Variants in PGBD1 observed in about 807,000 individuals in gnomAD.
PGBD1 encodes the protein piggyBac transposable element-derived protein 1.
In PGBD1, 25 loss-of-function variants were observed where a neutral mutation model predicts 34.7. The ratio of observed to expected loss-of-function variants is 0.72; its 90% confidence interval spans 0.52 to 1.00. The LOEUF is 1.00. PGBD1 is among the 50% of genes least tolerant of loss of function. PGBD1 has a pLI of 0.00. For missense variants in PGBD1, 830 were observed against 959.4 expected, an observed-to-expected ratio of 0.87 and a Z score of 1.78; for synonymous variants, 292 against 335.7, an observed-to-expected ratio of 0.87 and a Z score of 1.42.
At chr6:28,297,839 T>C (rs1762701761) in intron 5 of PGBD1, 56 bp from the exon 6 acceptor site, 1 of 286,192 alleles carries the variant, frequency 3.5e-6, no homozygotes, top group Admixed American at 5.1e-5. Context: ...TTTTTTTTTT[T>C]TTTTTTCAAA....
Position 28,285,564 on chromosome 6 carries a change from T to G in PGBD1, c.410T>G (p.Ile137Ser), listed in dbSNP as rs1762260463. The change falls in exon 3 of 7, where the codon ATT becomes AGT. Residue 137 changes from isoleucine to serine, a missense_variant. Coordinates refer to ENST00000682144, the MANE Select transcript of PGBD1 (RefSeq NM_032507.4). Reference sequence around the variant, plus strand: ...TTTTGTTTCCAGGCCTCTGTCTATATTCAGGGACAGGACATGCACCCAATG... The same window carrying G: ...TTTTGTTTCCAGGCCTCTGTCTATAGTCAGGGACAGGACATGCACCCAATG... ...GDTGQQASVY[I>S]QGQDMHPMVA... 6.2e-7 allele frequency: 1 copy of G among 1,614,090 alleles called. No individual in the cohort carries two copies.
intron 4 of PGBD1, among the ~76,000 whole-genome samples, chr6:28,290,122 G>A (rs1762401163): frequency 6.6e-6 from 1 of 152,098 alleles, no homozygotes; most frequent in Non-Finnish European, 1.5e-5. Context: ...TTGAGATAGG[G>A]TCTCACTCTT....
At position 28,301,082 on chromosome 6, in the gene PGBD1, T is replaced by C. The variant is rs755825301; in HGVS notation, c.1228T>C (p.Leu410=). The change falls in exon 7 of 7, where the codon TTG becomes CTG. Residue 410 remains leucine, a synonymous_variant. Transcript: ENST00000682144. ...PSWSALDSGL[L]NLKSEKLNPV... ...CTGGTCAGCACTGGATTCTGGACTTTTGAATCTCAAGAGCGAAAAGTTGAA... is the reference window on the plus strand; with the variant it reads ...CTGGTCAGCACTGGATTCTGGACTTCTGAATCTCAAGAGCGAAAAGTTGAA... The C allele has an allele frequency of 2.9e-5, 47 of 1,614,074 alleles. No individual in the cohort carries two copies. The South Asian group carries it at 4.8e-4, about 17-fold the overall frequency.
intron 1 of PGBD1, among the ~76,000 whole-genome samples, chr6:28,283,392 A>C (rs898052504): frequency 3.3e-5 from 5 of 152,222 alleles, no homozygotes; most frequent in African/African-American, 1.2e-4. Context: ...ACCTACATTT[A>C]AAGTGGAATA....
At chr6:28,284,810 T>A (rs546404596) in intron 2 of PGBD1, among the ~76,000 whole-genome samples, 6 of 152,236 alleles carry the variant, frequency 3.9e-5, no homozygotes, top group Non-Finnish European at 7.3e-5. Flanking sequence ...CATGAGCCAC[T>A]GCACCTGGCT....
chr6:28,298,644 A>G (rs1462635014), intron 6 of PGBD1, among the ~76,000 whole-genome samples: 1 of 152,158 alleles, frequency 6.6e-6, no homozygotes, highest in Admixed American at 6.5e-5. Context: ...TGAACAAGGT[A>G]TAGGTCAAAA....
In PGBD1 at chr6:28,286,387, T is replaced by C. The variant is rs1762285275; in HGVS notation, c.553+680T>C. Among the ~76,000 whole-genome samples the C allele has an allele frequency of 2.6e-5, 4 of 152,368 alleles. No individual in the cohort carries two copies. The South Asian group carries it at 8.3e-4, about 32-fold the overall frequency. The stretch of plus-strand genomic sequence containing the variant: ...AGGTTATTCAGTTAATCAACAATTA[T>C]CTGTTTGATCTCTGTGTGTACTCTG... On this transcript the variant is annotated intron_variant, in intron 3 of 6. Transcript: ENST00000682144.
At chr6:28,288,785 C>G (rs893956719) in intron 4 of PGBD1, among the ~76,000 whole-genome samples, 1 of 151,796 alleles carries the variant, frequency 6.6e-6, no homozygotes, top group African/African-American at 2.4e-5. Flanking sequence ...GTCAGGAGTT[C>G]GAGACCAGCC....
chr6:28,287,855 A>G (rs529476494), intron 4 of PGBD1, among the ~76,000 whole-genome samples: 21 of 152,342 alleles, frequency 1.4e-4, no homozygotes, highest in Non-Finnish European at 2.6e-4. Flanking sequence ...GATAAGAAGT[A>G]TCTAGAAAAT....
At chr6:28,296,683 G>C in intron 4 of PGBD1, 133 bp from the exon 5 acceptor site, 1 of 967,452 alleles carries the variant, frequency 1.0e-6, no homozygotes, top group Non-Finnish European at 1.5e-6. Context: ...TAACCAGAAA[G>C]GTTCCCACAA....
At chr6:28,292,168 A>T (rs966030268) in intron 4 of PGBD1, among the ~76,000 whole-genome samples, 1 of 152,196 alleles carries the variant, frequency 6.6e-6, no homozygotes, top group Non-Finnish European at 1.5e-5. Flanking sequence ...ATAATCTTAT[A>T]CCTCGAAAAA....
chr6:28,297,163 T>G (rs1332737030), intron 5 of PGBD1, among the ~76,000 whole-genome samples: 1 of 152,232 alleles, frequency 6.6e-6, no homozygotes, highest in African/African-American at 2.4e-5. Flanking sequence ...TGTGGTTATC[T>G]TCTCTGATCA....
At chr6:28,291,954 T>C (rs1022668092) in intron 4 of PGBD1, among the ~76,000 whole-genome samples, 3 of 152,144 alleles carry the variant, frequency 2.0e-5, no homozygotes, top group Non-Finnish European at 4.4e-5. Flanking sequence ...TACCTCAAAA[T>C]AAGGGCCATA....
rs376710760 is a variant in PGBD1, at chr6:28,301,311, A to G, written c.1457A>G (p.Gln486Arg). 1.2e-6 allele frequency: 2 copies of G among 1,614,200 alleles called. No homozygotes were observed. Among genetic ancestry groups the G allele is most frequent in the Non-Finnish European group, 1.7e-6 (2 of 1,180,040 alleles). The change falls in exon 7 of 7, where the codon CAG becomes CGG. Residue 486 changes from glutamine to arginine, a missense_variant. Coordinates refer to ENST00000682144, the MANE Select transcript of PGBD1 (RefSeq NM_032507.4). ...EMYWEVSDTD[Q>R]NLVRDAIRRD... ...TATTGGGAAGTCTCTGACACCGATC[A>G]GAACCTGGTTAGAGATGCAATCAGA...
chr6:28,282,468 A>G (rs887546854), intron 1 of PGBD1, among the ~76,000 whole-genome samples: 4 of 152,186 alleles, frequency 2.6e-5, no homozygotes, highest in Non-Finnish European at 5.9e-5. Context: ...ACTGTGCTTT[A>G]GGGAATATTA....
intron 4 of PGBD1, among the ~76,000 whole-genome samples, chr6:28,291,254 TG>T (rs1248961307): frequency 1.4e-5 from 2 of 146,832 alleles, no homozygotes; most frequent in Non-Finnish European, 3.0e-5. Flanking sequence ...AAATCAGAAA[TG>T]AAAAAGACAT....
At chr6:28,282,360 A>G (rs776317208) in intron 1 of PGBD1, among the ~76,000 whole-genome samples, 4 of 152,214 alleles carry the variant, frequency 2.6e-5, no homozygotes, top group Non-Finnish European at 4.4e-5. Flanking sequence ...AAAACCCAGT[A>G]AAGATTAGAT....
chr6:28,283,839 C>T lies in PGBD1; in HGVS notation c.26C>T (p.Ala9Val), dbSNP rs763292670. Reference sequence around the variant, plus strand: ...ATGTATGAAGCTTTGCCAGGCCCTGCTCCTGAAAATGAAGATGGCCTTGTG... The same window carrying T: ...ATGTATGAAGCTTTGCCAGGCCCTGTTCCTGAAAATGAAGATGGCCTTGTG... The part of the protein sequence containing the change: MYEALPGP[A>V]PENEDGLVKV... The change falls in exon 2 of 7, where the codon GCT (alanine) becomes GTT (valine). Residue 9 changes from alanine (A) to valine (V), a missense_variant. By Grantham distance (64) the Ala-to-Val change is moderately conservative (BLOSUM62 0). Coordinates refer to ENST00000682144, the MANE Select transcript of PGBD1 (RefSeq NM_032507.4). 2 of 1,606,246 alleles carry T rather than the reference C, an allele frequency of 1.2e-6. No homozygotes were observed. The highest frequency in any genetic ancestry group is 1.7e-6 in the Non-Finnish European group (2 of 1,174,142).
chr6:28,281,756 A>C lies in PGBD1; in HGVS notation c.-201A>C. ...TTCCTGAACTTTTGGTCCATTAACC[A>C]ACAATTAGACACGCCGGTATTCAGT... On this transcript the variant is annotated 5_prime_UTR_variant, in exon 1 of 7. Transcript: ENST00000682144. 4.4e-6 allele frequency: 1 copy of C among 228,452 alleles called. No individual in the cohort carries two copies. Among genetic ancestry groups the C allele is most frequent in the Non-Finnish European group, 8.5e-6 (1 of 118,342 alleles). 14.2% of individuals were successfully genotyped at this position (228,452 alleles called of 1,614,324 possible). A position where few individuals can be genotyped will look rare whatever the true frequency, so the allele number is the denominator to read the frequency against.
Sources: allele counts gnomAD v4.1 joint callset (sites outside exome capture counted in the v4.1 genomes callset), GRCh38; gene constraint gnomAD v4.1.1; transcripts MANE v1.5; gene names NCBI Gene and HGNC (gene_info 2026-07-23, HGNC 2026-07-21).